IQSEC1: variants seen among roughly 807,000 people sequenced by gnomAD.
IQSEC1 encodes the protein IQ motif and Sec7 domain ArfGEF 1.
IQSEC1 carries 31 observed loss-of-function variants against 91.0 expected under a neutral mutation model. The ratio of observed to expected loss-of-function variants is 0.34; its 90% CI spans 0.26 to 0.46. The LOEUF is 0.46. IQSEC1 is among the 20% of genes least tolerant of loss of function. The pLI, the probability that IQSEC1 is intolerant of heterozygous loss-of-function variation, is 1.00. For missense variants in IQSEC1, 1,388 were observed against 1,575.6 expected (o/e 0.88, Z 2.02); for synonymous variants, 699 against 662.6 (o/e 1.05, Z -0.84).
chr3:13,024,371 CTCCA>C (rs55811710), intron 1 of IQSEC1, among the ~76,000 whole-genome samples: 44,410 of 141,602 alleles, frequency 0.31, 7,166 homozygotes, highest in African/African-American at 0.41. Flanking sequence ...CCATCCATCA[CTCCA>C]TCCATCCATC....
At chr3:12,980,649 C>T (rs1440845504) in intron 1 of IQSEC1, among the ~76,000 whole-genome samples, 3 of 152,154 alleles carry the variant, frequency 2.0e-5, no homozygotes, top group East Asian at 3.9e-4. Context: ...CTGCCATGCA[C>T]GGGGAGGGGA....
At chr3:13,148,022 A>G (rs1283424623) in intron 2 of IQSEC1, among the ~76,000 whole-genome samples, 1 of 152,168 alleles carries the variant, frequency 6.6e-6, no homozygotes, top group Non-Finnish European at 1.5e-5. Flanking sequence ...ATCTACTTTT[A>G]GTTCTTTAAG....
In IQSEC1 at chr3:12,909,126, T is replaced by G; in HGVS notation, c.2578+147A>C. 1 of 806,758 alleles carries G rather than the reference T, an allele frequency of 1.2e-6. No individual in the cohort carries two copies. The allele number at this position is 806,758 out of a possible 1,614,324, so 50.0% of individuals were successfully genotyped here. Reference sequence around the variant, plus strand: ...CCTCCTGCAGCCTGGGAACACAGACTGCCCCATCATGTGGCCATAGGGAAG... The same window carrying G: ...CCTCCTGCAGCCTGGGAACACAGACGGCCCCATCATGTGGCCATAGGGAAG... On this transcript the variant is annotated intron_variant, in intron 11 of 13. Transcript: ENST00000613206. This position sits in a 1 kb window ranked among gnomAD's most constrained non-coding sequence, Gnocchi z 4.9.
chr3:13,056,736 C>T (rs538804097), intron 1 of IQSEC1, among the ~76,000 whole-genome samples: 1 of 152,198 alleles, frequency 6.6e-6, no homozygotes. Flanking sequence ...TTTGCTGAGG[C>T]GAGTTTTCCC....
intron 1 of IQSEC1, among the ~76,000 whole-genome samples, chr3:13,235,136 C>T (rs1694905825): frequency 6.6e-6 from 1 of 152,120 alleles, no homozygotes; most frequent in African/African-American, 2.4e-5. Context: ...ATCTGAGACC[C>T]AGAAAAGGAT....
In IQSEC1 at chr3:13,206,707, T is replaced by A. The variant is rs190435301; in HGVS notation, c.273-42574A>T. Among the ~76,000 whole-genome samples the A allele has an allele frequency of 2.0e-4, 31 of 152,284 alleles. No homozygotes were observed. In the East Asian group the frequency reaches 6.0e-3, roughly 29 times the overall value. On this transcript the variant is annotated intron_variant, in intron 1 of 15. Transcript: ENST00000648114. The stretch of plus-strand genomic sequence containing the variant: ...GAATGTAAGATGGACAGCAGTCACC[T>A]GTGGGAAAGGAGGCAGGTGGGATGG...
intron 1 of IQSEC1, among the ~76,000 whole-genome samples, chr3:13,047,256 C>T (rs1304068052): frequency 6.6e-6 from 1 of 152,208 alleles, no homozygotes; most frequent in African/African-American, 2.4e-5. Context: ...GACTGCAGTC[C>T]TGGTCTTTGG....
At chr3:13,056,925 G>C (rs1165957154) in intron 1 of IQSEC1, among the ~76,000 whole-genome samples, 1 of 152,096 alleles carries the variant, frequency 6.6e-6, no homozygotes, top group African/African-American at 2.4e-5. Context: ...ATATCCACCA[G>C]GCTCCCAGGC....
intron 1 of IQSEC1, among the ~76,000 whole-genome samples, chr3:13,023,201 G>C (rs1390179988): frequency 6.6e-6 from 1 of 152,172 alleles, no homozygotes; most frequent in Non-Finnish European, 1.5e-5. Context: ...GGATGGAGTG[G>C]GGTGGGATGA....
chr3:13,190,419 A>C (rs1002874585), intron 1 of IQSEC1, among the ~76,000 whole-genome samples: 2 of 152,096 alleles, frequency 1.3e-5, no homozygotes, highest in Non-Finnish European at 2.9e-5. Flanking sequence ...TAAAATAAAA[A>C]AAATTAGCCA....
chr3:13,203,395 G>A (rs141132093), intron 1 of IQSEC1, among the ~76,000 whole-genome samples: 4 of 152,192 alleles, frequency 2.6e-5, no homozygotes, highest in East Asian at 1.9e-4. Context: ...GTTAAACTGC[G>A]CTCCTCAGTT....
At chr3:13,028,553 C>A (rs1703718648) in intron 1 of IQSEC1, among the ~76,000 whole-genome samples, 1 of 152,198 alleles carries the variant, frequency 6.6e-6, no homozygotes, top group South Asian at 2.1e-4. Context: ...CAGAGCCAGA[C>A]CCTAGAACTG....
At chr3:13,080,055 G>A (rs1049147304) in intron 2 of IQSEC1, among the ~76,000 whole-genome samples, 2 of 152,234 alleles carry the variant, frequency 1.3e-5, no homozygotes, top group African/African-American at 4.8e-5. Context: ...CATGTGCAGA[G>A]GCTTGGAGGT....
chr3:12,953,990 G>A (rs1443541542), intron 1 of IQSEC1, among the ~76,000 whole-genome samples: 1 of 152,224 alleles, frequency 6.6e-6, no homozygotes, highest in Non-Finnish European at 1.5e-5. Flanking sequence ...CTGGTCCTCA[G>A]ACATGGCTGG....
chr3:12,981,457 G>T (rs949141143), intron 1 of IQSEC1, among the ~76,000 whole-genome samples: 3 of 152,166 alleles, frequency 2.0e-5, no homozygotes, highest in Admixed American at 6.5e-5. Flanking sequence ...AGACATCTCT[G>T]GGGGGGAGAA....
intron 2 of IQSEC1, among the ~76,000 whole-genome samples, chr3:13,146,388 G>A (rs571439265): frequency 7.4e-4 from 112 of 152,270 alleles, no homozygotes; most frequent in African/African-American, 2.4e-3. Flanking sequence ...TGGTGCCTCC[G>A]CACCCTTCTG....
At chr3:12,986,820 C>T (rs1245586631) in intron 1 of IQSEC1, among the ~76,000 whole-genome samples, 3 of 152,200 alleles carry the variant, frequency 2.0e-5, no homozygotes, top group African/African-American at 4.8e-5. Flanking sequence ...CACAGGGGAC[C>T]GAGACCCGGC....
At chr3:13,058,170 G>C (rs1704941078) in intron 1 of IQSEC1, among the ~76,000 whole-genome samples, 1 of 152,126 alleles carries the variant, frequency 6.6e-6, no homozygotes, top group East Asian at 1.9e-4. Context: ...CAACTCAGGA[G>C]GCTGAGGTAT....
chr3:12,906,954 C>G (rs1695049675), intron 12 of IQSEC1, among the ~76,000 whole-genome samples: 1 of 152,220 alleles, frequency 6.6e-6, no homozygotes, highest in South Asian at 2.1e-4. Flanking sequence ...ACCAGTGGTT[C>G]TCAACCAGGG....
Sources: gnomAD v4.1 joint callset for allele counts (sites outside exome capture counted in the v4.1 genomes callset) on GRCh38, gnomAD v4.1.1 for gene constraint, Gnocchi (gnomAD v3.1) non-coding constraint, MANE v1.5 for transcripts, NCBI Gene and HGNC (gene_info 2026-07-23, HGNC 2026-07-21) for gene names.